COLEC10: variants seen among roughly 807,000 people sequenced by gnomAD.
The protein encoded by COLEC10 is collectin subfamily member 10, also known as collectin-10.
In COLEC10, 22 loss-of-function variants were observed where a neutral mutation model predicts 28.4. The observed-to-expected ratio is 0.78, with a 90% CI of 0.55 to 1.11. The LOEUF (loss-of-function observed/expected upper bound fraction) is 1.11. Ranked by LOEUF, COLEC10 falls within the 50% of genes least tolerant of loss-of-function variation. The probability of loss-of-function intolerance (pLI) is 0.00; values close to 1 mark genes in which losing one functional copy is unlikely to be tolerated. For synonymous variants in COLEC10, 125 were observed against 116.1 expected, an observed-to-expected ratio of 1.08 and a Z score of -0.49; for missense variants, 361 against 344.1, an observed-to-expected ratio of 1.05 and a Z score of -0.39.
intron 2 of COLEC10, among the ~76,000 whole-genome samples, chr8:119,059,728 G>A (rs1814820662): frequency 6.6e-6 from 1 of 152,032 alleles, no homozygotes; most frequent in Non-Finnish European, 1.5e-5. Flanking sequence ...TACTGTTGTT[G>A]CACAAAGCTG....
intron 2 of COLEC10, among the ~76,000 whole-genome samples, chr8:119,048,115 G>A (rs7845498): frequency 0.015 from 2,307 of 152,186 alleles, 52 homozygotes; most frequent in African/African-American, 0.053. Flanking sequence ...GTACCCAATA[G>A]GTAATTTTTC....
intron 1 of COLEC10, 88 bp from the exon 2 acceptor site, chr8:119,089,592 A>T: frequency 9.6e-7 from 1 of 1,044,070 alleles, no homozygotes; most frequent in East Asian, 2.5e-5. Flanking sequence ...TGAGGGAAAG[A>T]TTGTAACCAT....
intron 2 of COLEC10, among the ~76,000 whole-genome samples, chr8:119,024,652 C>T (rs551396537): frequency 6.6e-6 from 1 of 152,174 alleles, no homozygotes; most frequent in Admixed American, 6.5e-5. Flanking sequence ...GGGCAGAGGA[C>T]CCTTCATTGA....
chr8:118,953,364 G>A, the COLEC10 span, among the ~76,000 whole-genome samples: 1 of 152,182 alleles, frequency 6.6e-6, no homozygotes, highest in Non-Finnish European at 1.5e-5. Flanking sequence ...GACTTGCCAT[G>A]GGACTCAAGT....
intron 1 of COLEC10, among the ~76,000 whole-genome samples, chr8:118,998,707 C>T (rs1465260956): frequency 2.0e-5 from 3 of 150,654 alleles, no homozygotes; most frequent in East Asian, 2.0e-4. Flanking sequence ...ATTAGCCAGG[C>T]GTGGTGGCAG....
intron 2 of COLEC10, among the ~76,000 whole-genome samples, chr8:119,060,026 C>T (rs758722826): frequency 2.6e-5 from 4 of 151,946 alleles, no homozygotes; most frequent in African/African-American, 4.8e-5. Flanking sequence ...AAGAATATGC[C>T]GTTGAGCCTC....
chr8:118,976,011 C>T, the COLEC10 span, among the ~76,000 whole-genome samples: 107 of 152,156 alleles, frequency 7.0e-4, no homozygotes, highest in African/African-American at 2.6e-3. Context: ...GAGAATCTAT[C>T]TTTCATCAAT....
At chr8:118,962,352 C>T in the COLEC10 span, among the ~76,000 whole-genome samples, 1,055 of 152,280 alleles carry the variant, frequency 6.9e-3, 9 homozygotes, top group Middle Eastern at 0.041. Flanking sequence ...CACAGATAAA[C>T]GTCTAGTGTA....
chr8:119,102,343 T>C lies in COLEC10; in HGVS notation c.293-5T>C. The C allele has an allele frequency of 6.3e-7, 1 of 1,598,766 alleles. No homozygotes were observed. On this transcript the variant is annotated splice_region_variant and splice_polypyrimidine_tract_variant and intron_variant, in intron 3 of 5. Coordinates refer to ENST00000332843, the MANE Select transcript of COLEC10 (RefSeq NM_006438.5). ...TTTATTTTGGTTGCTATTGTTTTTT[T>C]TCAGGTGACAAAGGGGAAAAAGGTT...
chr8:119,050,649 C>G (rs1450542307), intron 2 of COLEC10, among the ~76,000 whole-genome samples: 1 of 152,110 alleles, frequency 6.6e-6, no homozygotes, highest in African/African-American at 2.4e-5. Flanking sequence ...CTAAGTACAA[C>G]TCATGTGGAA....
At chr8:119,103,989 A>G in intron 5 of COLEC10, 94 bp downstream of exon 5, 1 of 903,808 alleles carries the variant, frequency 1.1e-6, no homozygotes, top group Non-Finnish European at 1.8e-6. Flanking sequence ...CTTGAGTTGG[A>G]CAAAGGGCTA....
chr8:118,972,708 C>T, the COLEC10 span, among the ~76,000 whole-genome samples: 10 of 151,946 alleles, frequency 6.6e-5, no homozygotes, highest in Non-Finnish European at 1.5e-4. Flanking sequence ...ACTATGAGCT[C>T]TGCCTTTAAT....
chr8:119,032,186 T>C (rs995712715), intron 2 of COLEC10, among the ~76,000 whole-genome samples: 1 of 152,228 alleles, frequency 6.6e-6, no homozygotes, highest in African/African-American at 2.4e-5. Context: ...AACTTATTTA[T>C]TGGTGAGTCA....
the COLEC10 span, among the ~76,000 whole-genome samples, chr8:118,969,659 C>T: frequency 0.051 from 7,745 of 151,642 alleles, 307 homozygotes; most frequent in East Asian, 0.17. Flanking sequence ...TCCATTCCTT[C>T]CAGATGCTGG....
At chr8:119,012,878 G>A (rs1813925058) in intron 2 of COLEC10, among the ~76,000 whole-genome samples, 1 of 150,296 alleles carries the variant, frequency 6.7e-6, no homozygotes. Context: ...AGGCTAGCTA[G>A]AGGCTTATTG....
At chr8:119,017,981 C>T (rs982729479) in intron 2 of COLEC10, among the ~76,000 whole-genome samples, 6 of 152,246 alleles carry the variant, frequency 3.9e-5, no homozygotes, top group East Asian at 3.9e-4. Context: ...ATTTCTAAAA[C>T]GTAAAGGACT....
chr8:118,976,972 T>A, the COLEC10 span, among the ~76,000 whole-genome samples: 2 of 149,662 alleles, frequency 1.3e-5, no homozygotes, highest in Non-Finnish European at 3.0e-5. Flanking sequence ...AAGAAGACAT[T>A]TATGCAGCCA....
intron 2 of COLEC10, among the ~76,000 whole-genome samples, chr8:119,050,223 G>A (rs1008221980): frequency 1.3e-5 from 2 of 152,128 alleles, no homozygotes; most frequent in Non-Finnish European, 2.9e-5. Flanking sequence ...AAAGGCTCTT[G>A]TAATTTATAA....
intron 2 of COLEC10, among the ~76,000 whole-genome samples, chr8:119,056,021 A>G (rs1462831883): frequency 6.6e-6 from 1 of 151,984 alleles, no homozygotes; most frequent in Non-Finnish European, 1.5e-5. Context: ...TCTCCTCACA[A>G]TTTGCATTCT....
Sources: allele counts gnomAD v4.1 joint callset (sites outside exome capture counted in the v4.1 genomes callset), GRCh38; gene constraint gnomAD v4.1.1; transcripts MANE v1.5; gene names NCBI Gene and HGNC (gene_info 2026-07-23, HGNC 2026-07-21).